The following SEMA3E variants were observed in gnomAD, a reference collection of about 807,000 sequenced individuals.
SEMA3E encodes semaphorin 3E.
A neutral mutation model predicts 93.6 loss-of-function variants in SEMA3E; 49 were observed. The ratio of observed to expected loss-of-function variants is 0.52; its 90% confidence interval spans 0.42 to 0.66. The LOEUF (loss-of-function observed/expected upper bound fraction) is 0.66, where lower values mean the gene tolerates loss of function less well. SEMA3E is among the 30% of genes least tolerant of loss of function. The pLI, the probability that SEMA3E is intolerant of heterozygous loss-of-function variation, is 0.00. For synonymous variants in SEMA3E, 363 were observed against 330.7 expected (o/e 1.10, Z -1.06); for missense variants, 906 against 964.8 (o/e 0.94, Z 0.81).
At chr7:83,532,821 A>G (rs1791331267) in intron 1 of SEMA3E, among the ~76,000 whole-genome samples, 1 of 151,932 alleles carries the variant, frequency 6.6e-6, no homozygotes, top group East Asian at 1.9e-4. Flanking sequence ...AAAAACAAAT[A>G]TGAGGCTTTA....
chr7:83,547,456 A>G (rs1415171331), intron 1 of SEMA3E, among the ~76,000 whole-genome samples: 2 of 151,902 alleles, frequency 1.3e-5, no homozygotes, highest in African/African-American at 4.8e-5. Context: ...AAAACCATCA[A>G]CTCTGATTTT....
intron 1 of SEMA3E, among the ~76,000 whole-genome samples, chr7:83,554,025 T>C (rs1348072738): frequency 6.6e-6 from 1 of 152,140 alleles, no homozygotes; most frequent in Non-Finnish European, 1.5e-5. Context: ...CAAAAGCCCA[T>C]TTATCTGAAG....
intron 1 of SEMA3E, among the ~76,000 whole-genome samples, chr7:83,561,895 T>C (rs1471585749): frequency 6.6e-6 from 1 of 152,100 alleles, no homozygotes; most frequent in African/African-American, 2.4e-5. Context: ...ATCTAAAGAT[T>C]GAGTTTTCAA....
intron 1 of SEMA3E, among the ~76,000 whole-genome samples, chr7:83,554,599 T>C (rs374726823): frequency 2.3e-4 from 35 of 152,204 alleles, no homozygotes; most frequent in African/African-American, 8.2e-4. Flanking sequence ...TAATGTAATA[T>C]CAAAAGAAGA....
intron 1 of SEMA3E, among the ~76,000 whole-genome samples, chr7:83,567,423 A>G (rs1422764601): frequency 1.3e-5 from 2 of 152,180 alleles, no homozygotes; most frequent in Non-Finnish European, 2.9e-5. Flanking sequence ...CGACATTCAC[A>G]GATATTTCAT....
intron 4 of SEMA3E, among the ~76,000 whole-genome samples, chr7:83,433,389 G>A (rs1325605930): frequency 6.6e-6 from 1 of 151,998 alleles, no homozygotes; most frequent in East Asian, 1.9e-4. Flanking sequence ...CTCCTGGACC[G>A]ACTGTTTACA....
At chr7:83,610,837 G>A (rs1268182697) in intron 1 of SEMA3E, among the ~76,000 whole-genome samples, 1 of 151,980 alleles carries the variant, frequency 6.6e-6, no homozygotes, top group Non-Finnish European at 1.5e-5. Context: ...TAGATCTCAG[G>A]CTTACAGCCT....
intron 1 of SEMA3E, among the ~76,000 whole-genome samples, chr7:83,607,830 G>C (rs950973319): frequency 2.6e-5 from 4 of 152,184 alleles, no homozygotes; most frequent in African/African-American, 9.7e-5. Flanking sequence ...GAGCCTTGGA[G>C]ACCCATTCAG....
At chr7:83,525,381 C>T (rs1791134910) in intron 1 of SEMA3E, among the ~76,000 whole-genome samples, 1 of 151,876 alleles carries the variant, frequency 6.6e-6, no homozygotes. Context: ...TTGTACTGGG[C>T]TCTCTCAATC....
chr7:83,529,688 C>T (rs1186343958), intron 1 of SEMA3E, among the ~76,000 whole-genome samples: 1 of 152,126 alleles, frequency 6.6e-6, no homozygotes, highest in African/African-American at 2.4e-5. Context: ...GAGACCCTAA[C>T]CAAGTGGCTG....
At chr7:83,632,350 G>T (rs999393505) in intron 1 of SEMA3E, among the ~76,000 whole-genome samples, 2 of 152,166 alleles carry the variant, frequency 1.3e-5, no homozygotes, top group Non-Finnish European at 2.9e-5. Context: ...ATAACTATCT[G>T]ATATGGCTTT....
chr7:83,569,060 A>G, intron 1 of SEMA3E, among the ~76,000 whole-genome samples: 1 of 152,140 alleles, frequency 6.6e-6, no homozygotes, highest in East Asian at 1.9e-4. Flanking sequence ...ACAAACTATT[A>G]TTAAAGTAGT....
At chr7:83,626,647 C>CA (rs1199892813) in intron 1 of SEMA3E, among the ~76,000 whole-genome samples, 2 of 151,722 alleles carry the variant, frequency 1.3e-5, no homozygotes, top group Non-Finnish European at 2.9e-5. Flanking sequence ...TTAGTATTTT[C>CA]AAAAAAACAG....
chr7:83,637,018 G>A (rs1303900041), intron 1 of SEMA3E, among the ~76,000 whole-genome samples: 5 of 133,740 alleles, frequency 3.7e-5, no homozygotes, highest in Admixed American at 3.6e-4. Flanking sequence ...AAAGCTATGT[G>A]TGAGAGTGTG....
intron 11 of SEMA3E, among the ~76,000 whole-genome samples, 185 bp downstream of exon 11, chr7:83,399,843 G>A (rs1788202687): frequency 6.6e-6 from 1 of 151,972 alleles, no homozygotes; most frequent in African/African-American, 2.4e-5. Flanking sequence ...CCAGACAACT[G>A]GCCTAAACTC....
At position 83,367,645 on chromosome 7, in the gene SEMA3E, T is replaced by G; in HGVS notation, c.2269A>C (p.Lys757Gln). ...SKWKYANPQE[K>Q]KLRSKPEHYR... Reference sequence around the variant, plus strand: ...TGCTCAGGTTTGGAACGGAGCTTCTTTTCCTGAGGGTTGGCATACTTCCAC... The same window carrying G: ...TGCTCAGGTTTGGAACGGAGCTTCTGTTCCTGAGGGTTGGCATACTTCCAC... Residue 757 changes from lysine (K) to glutamine (Q), a missense_variant, in exon 17 of 17, where the codon AAG (lysine) becomes CAG (glutamine). Transcript: ENST00000643230. 1 of 1,614,174 alleles carries G rather than the reference T, an allele frequency of 6.2e-7. No individual in the cohort carries two copies. The highest frequency in any genetic ancestry group is 8.5e-7 in the Non-Finnish European group (1 of 1,180,020).
Position 83,648,882 on chromosome 7 carries a change from GAA to G in SEMA3E, c.-342_-341del, listed in dbSNP as rs748082408. On this transcript the variant is annotated 5_prime_UTR_variant, in exon 1 of 17. Coordinates refer to ENST00000643230, the MANE Select transcript of SEMA3E (RefSeq NM_012431.3). ...TCACTTGGGCAAAGCTGTTCATTCA[GAA>G]AAAAAAAAAAAAAAGAGAGAAAAAA... is the stretch of plus-strand genomic sequence containing the variant. 1,581 of 86,730 alleles carry G rather than the reference GAA, an allele frequency of 0.018. 22 individuals carry two copies. The highest frequency in any genetic ancestry group is 0.052 in the African/African-American group (1,413 of 27,118). 5.4% of individuals were successfully genotyped at this position (86,730 alleles called of 1,614,324 possible).
At chr7:83,566,688 T>C (rs1318035017) in intron 1 of SEMA3E, among the ~76,000 whole-genome samples, 2 of 152,268 alleles carry the variant, frequency 1.3e-5, no homozygotes, top group Admixed American at 1.3e-4. Context: ...GAAAAATTAC[T>C]TTTCCCCTTA....
At chr7:83,560,665 TA>T (rs1332350217) in intron 1 of SEMA3E, among the ~76,000 whole-genome samples, 1 of 152,004 alleles carries the variant, frequency 6.6e-6, no homozygotes, top group African/African-American at 2.4e-5. Flanking sequence ...GTAAGCTAAA[TA>T]AATTTTGATA....
Sources: allele counts gnomAD v4.1 joint callset (sites outside exome capture counted in the v4.1 genomes callset), GRCh38; gene constraint gnomAD v4.1.1; transcripts MANE v1.5; gene names NCBI Gene and HGNC (gene_info 2026-07-23, HGNC 2026-07-21).